DAGLA: variants seen among roughly 807,000 people sequenced by gnomAD.
DAGLA encodes diacylglycerol lipase alpha.
DAGLA carries 22 observed loss-of-function variants against 102.6 expected under a neutral mutation model. The observed-to-expected ratio is 0.21, with a 90% CI of 0.15 to 0.31. The LOEUF (loss-of-function observed/expected upper bound fraction) is 0.31. Among genes scored for constraint, DAGLA ranks in the 10% least tolerant of loss-of-function variants. The pLI is 1.00. For synonymous variants in DAGLA, 578 were observed against 628.9 expected, an observed-to-expected ratio of 0.92 and a Z score of 1.21; for missense variants, 927 against 1,446.6, an observed-to-expected ratio of 0.64 and a Z score of 5.83.
chr11:61,735,083 G>T, intron 10 of DAGLA, 81 bp downstream of exon 10: 3 of 1,510,380 alleles, frequency 2.0e-6, no homozygotes, highest in Non-Finnish European at 2.7e-6. Flanking sequence ...CTTCCAGGCC[G>T]GCAGGAGCCC....
chr11:61,695,476 C>T (rs762060443), intron 1 of DAGLA, among the ~76,000 whole-genome samples: 5 of 152,224 alleles, frequency 3.3e-5, no homozygotes, highest in Non-Finnish European at 7.3e-5. Flanking sequence ...TCCCACTTCC[C>T]AGCGGGGAGG....
intron 1 of DAGLA, among the ~76,000 whole-genome samples, chr11:61,705,137 C>A (rs118025662): frequency 6.6e-6 from 1 of 152,206 alleles, no homozygotes; most frequent in Admixed American, 6.5e-5. Context: ...CCCAGGCCTC[C>A]GTTCTCAAGG....
intron 19 of DAGLA, among the ~76,000 whole-genome samples, chr11:61,743,178 C>T (rs1398334971): frequency 6.6e-6 from 1 of 152,046 alleles, no homozygotes; most frequent in Non-Finnish European, 1.5e-5. Context: ...TCCTGGCTAA[C>T]ATGGTGAAAC....
intron 1 of DAGLA, among the ~76,000 whole-genome samples, chr11:61,700,474 A>G (rs1176483404): frequency 1.3e-5 from 2 of 152,080 alleles, no homozygotes; most frequent in Non-Finnish European, 2.9e-5. Context: ...TGCCTCCCCA[A>G]CACCTGCCCT....
chr11:61,739,197 C>G (rs938701171), intron 16 of DAGLA, among the ~76,000 whole-genome samples: 1 of 152,200 alleles, frequency 6.6e-6, no homozygotes, highest in Non-Finnish European at 1.5e-5. Flanking sequence ...GGCTGGGCTT[C>G]CAGCCCCTTG....
At chr11:61,737,577 G>A (rs2065434784) in intron 14 of DAGLA, 110 bp from the exon 15 acceptor site, 1 of 1,154,144 alleles carries the variant, frequency 8.7e-7, no homozygotes, top group Non-Finnish European at 1.3e-6. Context: ...CTCCCCGGGA[G>A]CCATCCCAGG....
At chr11:61,685,287 A>G (rs2064978789) in intron 1 of DAGLA, among the ~76,000 whole-genome samples, 1 of 152,186 alleles carries the variant, frequency 6.6e-6, no homozygotes, top group Non-Finnish European at 1.5e-5. Flanking sequence ...ATCCTGATGA[A>G]AACACGCACT....
chr11:61,716,575 T>C (rs1217185581), intron 1 of DAGLA, among the ~76,000 whole-genome samples: 2 of 152,048 alleles, frequency 1.3e-5, no homozygotes, highest in Non-Finnish European at 2.9e-5. Flanking sequence ...GGCTCTGTGC[T>C]GGAGTCTGTC....
rs2065325367 is a variant in DAGLA at position 61,726,220 on chromosome 11, C to T, written c.636+138C>T. On this transcript the variant is annotated intron_variant, in intron 6 of 19. Transcript: ENST00000257215. ...GGTTTCCAGCGTGAGCAAGTATGGC[C>T]TGCTCACACAGGGCCTGTTATTCAC... 3 of 772,424 alleles carry T rather than the reference C, an allele frequency of 3.9e-6. No individual in the cohort carries two copies. In the South Asian group the frequency reaches 4.4e-5, roughly 11 times the overall value. The allele number at this position is 772,424 out of a possible 1,614,324, so 47.8% of individuals were successfully genotyped here. A position where few individuals can be genotyped will look rare whatever the true frequency, so the allele number is the denominator to read the frequency against.
At chr11:61,702,501 G>A (rs1305148210) in intron 1 of DAGLA, among the ~76,000 whole-genome samples, 2 of 152,176 alleles carry the variant, frequency 1.3e-5, no homozygotes, top group African/African-American at 4.8e-5. Flanking sequence ...GGGTAAAAGT[G>A]GATCCTAGGG....
chr11:61,715,869 C>A (rs930889330), intron 1 of DAGLA, among the ~76,000 whole-genome samples: 4 of 152,234 alleles, frequency 2.6e-5, no homozygotes, highest in African/African-American at 9.6e-5. Context: ...CTGACCACAG[C>A]CTTGAGAGGG....
Position 61,743,813 on chromosome 11 carries a change from G to C in DAGLA, c.2453G>C (p.Gly818Ala). The C allele has an allele frequency of 6.2e-7, 1 of 1,612,516 alleles. No individual in the cohort carries two copies. ...SLHAVLERDE[G>A]HLFYIDPAIP... ...CACGCTGTGCTGGAGCGTGATGAAG[G>C]CCACCTCTTCTACATTGACCCTGCC... The change falls in exon 20 of 20, where the codon GGC becomes GCC. Residue 818 changes from glycine (G) to alanine (A), a missense_variant. Around this residue, in one of 4 missense-constraint regions of DAGLA, gnomAD observed 434 missense variants for 503.3 expected, o/e 0.86. Transcript: ENST00000257215.
At chr11:61,730,543 T>G (rs555982219) in intron 8 of DAGLA, among the ~76,000 whole-genome samples, 1 of 152,224 alleles carries the variant, frequency 6.6e-6, no homozygotes, top group Admixed American at 6.5e-5. Context: ...AGGTGACTAA[T>G]TCCCTCTCCC....
chr11:61,708,263 C>T (rs903105953), intron 1 of DAGLA, among the ~76,000 whole-genome samples: 1 of 152,226 alleles, frequency 6.6e-6, no homozygotes, highest in Non-Finnish European at 1.5e-5. Context: ...CCGCTTAGGC[C>T]TCCCAAAGTG....
intron 9 of DAGLA, among the ~76,000 whole-genome samples, chr11:61,732,955 G>A (rs753818147): frequency 1.4e-4 from 22 of 152,178 alleles, no homozygotes; most frequent in Non-Finnish European, 2.8e-4. Context: ...CCTCCCATCC[G>A]GGGTGCTGGC....
intron 1 of DAGLA, among the ~76,000 whole-genome samples, chr11:61,706,732 C>G (rs896479099): frequency 6.6e-6 from 1 of 152,226 alleles, no homozygotes; most frequent in Non-Finnish European, 1.5e-5. Flanking sequence ...CTCGCTGACT[C>G]CCTTACCACC....
At chr11:61,702,767 G>A (rs1475052142) in intron 1 of DAGLA, among the ~76,000 whole-genome samples, 1 of 152,188 alleles carries the variant, frequency 6.6e-6, no homozygotes, top group Non-Finnish European at 1.5e-5. Context: ...CAAGTCACAC[G>A]GCCCCAGATG....
intron 1 of DAGLA, among the ~76,000 whole-genome samples, chr11:61,699,768 A>C (rs1190647323): frequency 2.0e-5 from 3 of 152,208 alleles, no homozygotes; most frequent in African/African-American, 7.2e-5. Context: ...GGGGACACCA[A>C]TGGCAGCTGT....
intron 9 of DAGLA, among the ~76,000 whole-genome samples, chr11:61,732,179 T>G (rs887891011): frequency 3.3e-5 from 5 of 152,186 alleles, no homozygotes; most frequent in Non-Finnish European, 7.4e-5. Flanking sequence ...GACAGTTCCC[T>G]GGGCTCCCGT....
Sources: gnomAD v4.1 joint callset for allele counts (sites outside exome capture counted in the v4.1 genomes callset) on GRCh38, gnomAD v4.1.1 for gene constraint, gnomAD v4.1.1 regional missense constraint, MANE v1.5 for transcripts, NCBI Gene and HGNC (gene_info 2026-07-23, HGNC 2026-07-21) for gene names.